Variants in FSTL4 observed in about 807,000 individuals in gnomAD.
FSTL4 encodes follistatin like 4, also known as follistatin-related protein 4.
FSTL4 carries 28 observed loss-of-function variants against 78.2 expected under a neutral mutation model. The observed-to-expected ratio is 0.36, with a 90% confidence interval of 0.27 to 0.49. The LOEUF (loss-of-function observed/expected upper bound fraction) is 0.49, where lower values mean the gene tolerates loss of function less well. Ranked by LOEUF, FSTL4 falls within the 20% of genes least tolerant of loss-of-function variation. The pLI, the probability that FSTL4 is intolerant of heterozygous loss-of-function variation, is 0.98. For missense variants in FSTL4, 922 were observed against 1,084.9 expected (o/e 0.85, Z 2.11); for synonymous variants, 422 against 440.5 (o/e 0.96, Z 0.53).
intron 3 of FSTL4, among the ~76,000 whole-genome samples, chr5:133,434,912 A>C (rs1757007505): frequency 6.6e-6 from 1 of 152,122 alleles, no homozygotes; most frequent in Admixed American, 6.5e-5. Context: ...GATGGATGTG[A>C]ATGTCTGTGT....
chr5:133,731,545 G>A, the FSTL4 span, among the ~76,000 whole-genome samples: 4 of 152,232 alleles, frequency 2.6e-5, no homozygotes, highest in African/African-American at 9.6e-5. Flanking sequence ...GCTTCTTAGA[G>A]AGATGATAGG....
At chr5:133,309,500 A>T (rs1753728790) in intron 6 of FSTL4, among the ~76,000 whole-genome samples, 1 of 152,164 alleles carries the variant, frequency 6.6e-6, no homozygotes, top group Non-Finnish European at 1.5e-5. Flanking sequence ...ACCCTGGAGG[A>T]GAGTCACCTG....
the FSTL4 span, among the ~76,000 whole-genome samples, chr5:133,806,441 T>C: frequency 3.4e-4 from 52 of 152,342 alleles, 1 homozygote; most frequent in East Asian, 9.4e-3. Flanking sequence ...ATTTTTTAAA[T>C]AGCATGAGCA....
chr5:133,430,503 A>G (rs1190600092), intron 3 of FSTL4, among the ~76,000 whole-genome samples: 1 of 152,218 alleles, frequency 6.6e-6, no homozygotes. Context: ...GCCAAGCCAG[A>G]GACCTTACAA....
chr5:133,564,558 G>T (rs2112941315), intron 3 of FSTL4, among the ~76,000 whole-genome samples: 1 of 152,312 alleles, frequency 6.6e-6, no homozygotes, highest in Non-Finnish European at 1.5e-5. Flanking sequence ...GGAATGTGGG[G>T]ATGAAGAAGG....
At chr5:133,633,736 A>G in the FSTL4 span, among the ~76,000 whole-genome samples, 3 of 152,156 alleles carry the variant, frequency 2.0e-5, no homozygotes, top group African/African-American at 7.2e-5. Context: ...TCTTATTTAA[A>G]CTTTCTGGTT....
At chr5:133,620,317 G>A in the FSTL4 span, among the ~76,000 whole-genome samples, 68 of 152,238 alleles carry the variant, frequency 4.5e-4, no homozygotes, top group Non-Finnish European at 2.5e-4. Context: ...AACATATTGT[G>A]GGTGTGGATA....
At chr5:133,791,063 C>T in the FSTL4 span, among the ~76,000 whole-genome samples, 2 of 152,360 alleles carry the variant, frequency 1.3e-5, no homozygotes, top group South Asian at 2.1e-4. Flanking sequence ...ACTCACTCTG[C>T]TGTAGCCACA....
At chr5:133,318,922 A>T (rs1379848767) in intron 4 of FSTL4, among the ~76,000 whole-genome samples, 1 of 152,164 alleles carries the variant, frequency 6.6e-6, no homozygotes, top group African/African-American at 2.4e-5. Flanking sequence ...TGGCCTAAGC[A>T]TGGAGAGCGC....
rs146839658 is a variant in FSTL4, at chr5:133,463,140, T to C, written c.161-62154A>G. Among the ~76,000 whole-genome samples the C allele has an allele frequency of 2.0e-3, 305 of 152,358 alleles. 2 individuals are homozygous for C. Among genetic ancestry groups the C allele is most frequent in the African/African-American group, 7.0e-3 (289 of 41,582 alleles). ...CACGCCAGCATCCTTAGTGACTGTG[T>C]GTCAGGCCTCACAGACACTCCCTGT... On this transcript the variant is annotated intron_variant, in intron 3 of 15. Transcript: ENST00000265342.
the FSTL4 span, among the ~76,000 whole-genome samples, chr5:133,710,934 G>C: frequency 6.6e-6 from 1 of 152,160 alleles, no homozygotes; most frequent in Non-Finnish European, 1.5e-5. Flanking sequence ...AAACTTGCAG[G>C]ATGAATGAAC....
At chr5:133,785,849 C>T in the FSTL4 span, among the ~76,000 whole-genome samples, 1 of 152,146 alleles carries the variant, frequency 6.6e-6, no homozygotes, top group Non-Finnish European at 1.5e-5. Flanking sequence ...ATCACCTGCC[C>T]GTTCTCCCAG....
chr5:133,487,986 AAC>A (rs1758171985), intron 3 of FSTL4, among the ~76,000 whole-genome samples: 1 of 152,224 alleles, frequency 6.6e-6, no homozygotes, highest in South Asian at 2.1e-4. Flanking sequence ...CAACCAGTCA[AAC>A]ACCAGCCTTT....
chr5:133,230,982 T>C (rs895647083), intron 8 of FSTL4, among the ~76,000 whole-genome samples: 3 of 152,096 alleles, frequency 2.0e-5, no homozygotes, highest in African/African-American at 7.2e-5. Flanking sequence ...TTGGTACCAC[T>C]AGGGTGGGAG....
the FSTL4 span, among the ~76,000 whole-genome samples, chr5:133,679,294 C>T: frequency 1.3e-5 from 2 of 152,176 alleles, no homozygotes; most frequent in African/African-American, 4.8e-5. Flanking sequence ...ACCACATTCT[C>T]GGTACAGTTT....
chr5:133,311,812 G>A (rs1753792212), intron 6 of FSTL4, among the ~76,000 whole-genome samples: 1 of 152,180 alleles, frequency 6.6e-6, no homozygotes. Flanking sequence ...AAGGGTATAT[G>A]CATTGCCCAC....
At chr5:133,307,327 A>C (rs1753678627) in intron 6 of FSTL4, among the ~76,000 whole-genome samples, 1 of 152,198 alleles carries the variant, frequency 6.6e-6, no homozygotes, top group African/African-American at 2.4e-5. Context: ...TAGGGAAATC[A>C]CTGTGAGGAC....
intron 3 of FSTL4, among the ~76,000 whole-genome samples, chr5:133,410,823 T>C (rs954470091): frequency 2.6e-5 from 4 of 152,244 alleles, no homozygotes; most frequent in Non-Finnish European, 4.4e-5. Context: ...GATCTGCCCT[T>C]GTCTCTCAAC....
the FSTL4 span, among the ~76,000 whole-genome samples, chr5:133,808,820 A>G: frequency 1.3e-5 from 2 of 152,044 alleles, no homozygotes; most frequent in Admixed American, 1.3e-4. Context: ...CAAACACCAC[A>G]AAGGGCAAAT....
Sources: gnomAD v4.1 joint callset for allele counts (sites outside exome capture counted in the v4.1 genomes callset) on GRCh38, gnomAD v4.1.1 for gene constraint, MANE v1.5 for transcripts, NCBI Gene and HGNC (gene_info 2026-07-23, HGNC 2026-07-21) for gene names.